Variants in TRAPPC12 observed in about 807,000 individuals in gnomAD.
TRAPPC12 encodes the protein TPR repeat protein 15.
TRAPPC12 carries 61 observed loss-of-function variants against 69.2 expected under a neutral mutation model. That is an observed-to-expected ratio of 0.88 (90% CI 0.72 to 1.09). The LOEUF (loss-of-function observed/expected upper bound fraction) is 1.09, where lower values mean the gene tolerates loss of function less well. Ranked by LOEUF, TRAPPC12 falls within the 50% of genes least tolerant of loss-of-function variation. The probability of loss-of-function intolerance (pLI) is 0.00; values close to 1 mark genes in which losing one functional copy is unlikely to be tolerated. For synonymous variants in TRAPPC12, 469 were observed against 438.9 expected (o/e 1.07, Z -0.86); for missense variants, 1,101 against 1,016.4 (o/e 1.08, Z -1.13).
At chr2:3,426,028 A>G (rs1663083042) in intron 5 of TRAPPC12, among the ~76,000 whole-genome samples, 1 of 152,120 alleles carries the variant, frequency 6.6e-6, no homozygotes, top group Non-Finnish European at 1.5e-5. Flanking sequence ...TCTCTCCTTT[A>G]TCATCTTTAC....
At chr2:3,421,164 G>A (rs746585166) in intron 3 of TRAPPC12, among the ~76,000 whole-genome samples, 7 of 152,174 alleles carry the variant, frequency 4.6e-5, no homozygotes, top group Non-Finnish European at 1.0e-4. Flanking sequence ...TTCTTAAAAG[G>A]TTTAAACATT....
rs769598999 is a variant in TRAPPC12 at position 3,477,699 on chromosome 2, G to A, written c.1781G>A (p.Gly594Glu). 2.5e-6 allele frequency: 4 copies of A among 1,601,410 alleles called. No homozygotes were observed. In the South Asian group the frequency reaches 4.5e-5, roughly 18 times the overall value. ...GACTAAATTTTGTCAAAGCAGATTG[G>A]AGACATAAAAACAGCTGAAAAGTAT... ...SGIGRISLQI[G>E]DIKTAEKYFQ... Residue 594 changes from glycine (G) to glutamate (E), a missense_variant, in exon 10 of 12, where the codon GGA (glycine) becomes GAA (glutamate). Transcript: ENST00000324266.
intron 7 of TRAPPC12, chr2:3,457,913 C>G (rs189084703): frequency 2.8e-6 from 4 of 1,408,218 alleles, no homozygotes; most frequent in African/African-American, 2.9e-5. Flanking sequence ...ACCCTGCGCC[C>G]GGGGAGAAGA....
chr2:3,466,214 A>G (rs1032208889), intron 9 of TRAPPC12: 14 of 462,748 alleles, frequency 3.0e-5, no homozygotes, highest in Middle Eastern at 7.0e-4. Context: ...ACAGGGAGTG[A>G]TGAGTCCCGC....
At chr2:3,470,121 C>T (rs868071370) in intron 9 of TRAPPC12, among the ~76,000 whole-genome samples, 2 of 152,200 alleles carry the variant, frequency 1.3e-5, no homozygotes, top group Admixed American at 6.5e-5. Context: ...GGTAGGGAAA[C>T]GCTTGGCAAA....
intron 3 of TRAPPC12, among the ~76,000 whole-genome samples, chr2:3,420,483 T>G (rs1662715569): frequency 6.6e-6 from 1 of 152,198 alleles, no homozygotes; most frequent in South Asian, 2.1e-4. Context: ...TGTATCTTCT[T>G]TAATTGTCAC....
intron 8 of TRAPPC12, 53 bp downstream of exon 8, chr2:3,460,389 T>TGGGAGCCGTGA (rs1558401360): frequency 2.4e-6 from 2 of 839,164 alleles, no homozygotes; most frequent in African/African-American, 3.3e-5. Flanking sequence ...GCGGGGTCAG[T>TGGGAGCCGTGA]GGGAGCCGCG....
intron 5 of TRAPPC12, among the ~76,000 whole-genome samples, chr2:3,442,738 A>G (rs1388397248): frequency 6.6e-6 from 1 of 152,208 alleles, no homozygotes; most frequent in Non-Finnish European, 1.5e-5. Flanking sequence ...CAGTGTGGTC[A>G]CGGCCCATTC....
At chr2:3,392,978 C>T (rs1002939635) in intron 2 of TRAPPC12, among the ~76,000 whole-genome samples, 1 of 152,174 alleles carries the variant, frequency 6.6e-6, no homozygotes, top group Non-Finnish European at 1.5e-5. Flanking sequence ...TATGTAGTGG[C>T]TCACGCCCAT....
intron 3 of TRAPPC12, among the ~76,000 whole-genome samples, chr2:3,403,394 G>C (rs889188527): frequency 5.3e-5 from 8 of 151,892 alleles, no homozygotes; most frequent in Non-Finnish European, 8.8e-5. Flanking sequence ...CACCACACCC[G>C]GCTAATTTTT....
chr2:3,388,768 G>C (rs1161197450), intron 2 of TRAPPC12, 98 bp downstream of exon 2: 6 of 1,214,564 alleles, frequency 4.9e-6, no homozygotes, highest in Non-Finnish European at 6.7e-6. Flanking sequence ...AGAAGGCCTT[G>C]TTTTCAGTAA....
At position 3,387,943 on chromosome 2, in the gene TRAPPC12, C is replaced by T. The variant is rs1193513572; in HGVS notation, c.320C>T (p.Thr107Ile). Reference protein sequence around the residue: ...EGDPGPEPAGTPSPSGEADGD... With the variant: ...EGDPGPEPAGIPSPSGEADGD... The stretch of plus-strand genomic sequence containing the variant: ...GACCCAGGCCCGGAGCCCGCGGGCA[C>T]CCCGAGTCCCAGCGGCGAGGCCGAC... The change falls in exon 2 of 12, where the codon ACC becomes ATC. Residue 107 changes from threonine (T) to isoleucine (I), a missense_variant. Thr to Ile is a moderately conservative substitution (Grantham distance 89). Coordinates refer to ENST00000324266, the MANE Select transcript of TRAPPC12 (RefSeq NM_016030.6). The T allele has an allele frequency of 2.7e-6, 4 of 1,497,642 alleles. No individual in the cohort carries two copies. The South Asian group carries it at 5.2e-5, about 19-fold the overall frequency. The allele number at this position is 1,497,642 out of a possible 1,614,324, so 92.8% of individuals were successfully genotyped here. A position where few individuals can be genotyped will look rare whatever the true frequency, so the allele number is the denominator to read the frequency against.
intron 1 of TRAPPC12, among the ~76,000 whole-genome samples, chr2:3,385,294 G>T (rs1029088830): frequency 6.6e-6 from 1 of 151,646 alleles, no homozygotes; most frequent in Non-Finnish European, 1.5e-5. Context: ...AAATTATTAG[G>T]GCTTTTTATT....
At chr2:3,454,087 G>A (rs1477073665) in intron 6 of TRAPPC12, among the ~76,000 whole-genome samples, 3 of 152,226 alleles carry the variant, frequency 2.0e-5, no homozygotes, top group Non-Finnish European at 4.4e-5. Flanking sequence ...TCAACAATAG[G>A]GGCTTTCTCC....
rs1213509877 is a variant in TRAPPC12 at position 3,387,978 on chromosome 2, G to T, written c.355G>T (p.Ala119Ser). Residue 119 changes from alanine (A) to serine (S), a missense_variant, in exon 2 of 12, where the codon GCC becomes TCC. Physicochemically the swap from Ala to Ser is moderately conservative, Grantham distance 99. Transcript: ENST00000324266. The part of the protein sequence containing the change: ...SPSGEADGDC[A>S]PEDAAPSSGG... ...CAGCGGCGAGGCCGACGGCGACTGT[G>T]CCCCCGAGGACGCGGCACCCAGTAG... is the stretch of plus-strand genomic sequence containing the variant. The T allele has an allele frequency of 1.0e-5, 15 of 1,474,850 alleles. No individual in the cohort carries two copies. Among genetic ancestry groups the T allele is most frequent in the Non-Finnish European group, 1.3e-5 (15 of 1,119,168 alleles). 91.4% of individuals were successfully genotyped at this position (1,474,850 alleles called of 1,614,324 possible). A position where few individuals can be genotyped will look rare whatever the true frequency, so the allele number is the denominator to read the frequency against.
In TRAPPC12 at chr2:3,465,738, T is replaced by C. The variant is rs751983310; in HGVS notation, c.1776+43T>C. ...GACATGAGCCAGAAAGGCCTTATGA[T>C]AGTTCTTTGCTCAGATGGGCGACTG... On this transcript the variant is annotated intron_variant, in intron 9 of 11. Coordinates refer to ENST00000324266, the MANE Select transcript of TRAPPC12 (RefSeq NM_016030.6). 5.2e-6 allele frequency: 7 copies of C among 1,350,924 alleles called. No individual in the cohort carries two copies. The Admixed American group carries it at 8.4e-5, about 16-fold the overall frequency. The allele number at this position is 1,350,924 out of a possible 1,614,324, so 83.7% of individuals were successfully genotyped here.
At chr2:3,395,560 CTT>C (rs10671671) in intron 2 of TRAPPC12, among the ~76,000 whole-genome samples, 5 of 118,140 alleles carry the variant, frequency 4.2e-5, no homozygotes, top group Admixed American at 8.9e-5. Flanking sequence ...AAAATTATTA[CTT>C]TTTTTTTTTT....
chr2:3,400,483 G>A (rs1661378602), intron 2 of TRAPPC12, among the ~76,000 whole-genome samples: 1 of 152,140 alleles, frequency 6.6e-6, no homozygotes, highest in South Asian at 2.1e-4. Flanking sequence ...CCCTGCCTCA[G>A]GTGTTTCAGG....
intron 4 of TRAPPC12, among the ~76,000 whole-genome samples, chr2:3,422,816 A>AC (rs1662886171): frequency 6.6e-6 from 1 of 152,012 alleles, no homozygotes. Flanking sequence ...ACCCACCACC[A>AC]CCCACAGTTC....
Sources: gnomAD v4.1 joint callset for allele counts (sites outside exome capture counted in the v4.1 genomes callset) on GRCh38, gnomAD v4.1.1 for gene constraint, MANE v1.5 for transcripts, NCBI Gene and HGNC (gene_info 2026-07-23, HGNC 2026-07-21) for gene names.